LIMS1: variants seen among roughly 807,000 people sequenced by gnomAD.
The protein encoded by LIMS1 is LIM and senescent cell antigen-like-containing domain protein 1.
Under a neutral mutation model 44.1 loss-of-function variants are expected in LIMS1, and 18 were observed. The ratio of observed to expected loss-of-function variants is 0.41; its 90% CI spans 0.28 to 0.61. The LOEUF (loss-of-function observed/expected upper bound fraction) is 0.61, where lower values mean the gene tolerates loss of function less well. LIMS1 is among the 20% of genes least tolerant of loss of function. The pLI is 0.32. For synonymous variants in LIMS1, 93 were observed against 149.1 expected, an observed-to-expected ratio of 0.62 and a Z score of 2.74; for missense variants, 201 against 422.0, an observed-to-expected ratio of 0.48 and a Z score of 4.59.
At chr2:108,652,237 A>C (rs1690545459) in intron 1 of LIMS1, among the ~76,000 whole-genome samples, 2 of 152,376 alleles carry the variant, frequency 1.3e-5, no homozygotes, top group African/African-American at 4.8e-5. Flanking sequence ...AAATATATTC[A>C]ATACAGAAAT....
chr2:108,636,205 A>G (rs1689239211), intron 1 of LIMS1, among the ~76,000 whole-genome samples: 1 of 152,232 alleles, frequency 6.6e-6, no homozygotes, highest in South Asian at 2.1e-4. Context: ...TGCTGCATGC[A>G]GAAAAGTCGC....
chr2:108,620,845 C>T (rs1253514634), intron 1 of LIMS1, among the ~76,000 whole-genome samples: 1 of 152,074 alleles, frequency 6.6e-6, no homozygotes, highest in Non-Finnish European at 1.5e-5. Flanking sequence ...TAGAATTCTG[C>T]CCCTCCTCTC....
At chr2:108,612,882 G>A (rs775521026) in intron 1 of LIMS1, among the ~76,000 whole-genome samples, 10 of 152,148 alleles carry the variant, frequency 6.6e-5, no homozygotes, top group African/African-American at 2.4e-4. Flanking sequence ...AGAAGCTTCC[G>A]GGGTTAGGTT....
In LIMS1 at chr2:108,577,894, A is replaced by ATGTTT. The variant is rs535542054; in HGVS notation, c.32+43322_32+43326dup. Among the ~76,000 whole-genome samples, 292 of 152,028 alleles carry ATGTTT rather than the reference A, an allele frequency of 1.9e-3. 2 individuals carry two copies. The highest frequency in any genetic ancestry group is 4.1e-3 in the East Asian group (21 of 5,174). On this transcript the variant is annotated intron_variant, in intron 1 of 9. Coordinates refer to ENST00000544547, the Ensembl canonical transcript of LIMS1. The stretch of plus-strand genomic sequence containing the variant: ...CTGTTAAATGCTATTCTGAGATTGT[A>ATGTTT]TGTTTTGTTTTGTTTTGTTTTGTTT...
At chr2:108,590,571 A>G (rs1686331934) in intron 1 of LIMS1, among the ~76,000 whole-genome samples, 1 of 152,226 alleles carries the variant, frequency 6.6e-6, no homozygotes, top group African/African-American at 2.4e-5. Flanking sequence ...GGCTAACCAA[A>G]AAGAGCGGGG....
intron 1 of LIMS1, among the ~76,000 whole-genome samples, chr2:108,604,374 G>A (rs1687161536): frequency 6.6e-6 from 1 of 152,174 alleles, no homozygotes; most frequent in Non-Finnish European, 1.5e-5. Flanking sequence ...GGGCAGGGTT[G>A]ACTAGTCACC....
chr2:108,684,035 G>T (rs371971613), exon 10 of LIMS1: 2 of 1,070,122 alleles, frequency 1.9e-6, no homozygotes, highest in Non-Finnish European at 2.8e-6. Context: ...CAAGATAAGA[G>T]ATTACCAACA....
rs766958312 is a variant in LIMS1, at chr2:108,675,871, C to T, written c.531-7C>T. On this transcript the variant is annotated splice_polypyrimidine_tract_variant and splice_region_variant and intron_variant, in intron 5 of 9. Transcript: ENST00000544547. ...AGTATTAAGCTGTGTGTCTTTCTCA[C>T]GGACAGGAAGGAGCTGACTGCCGAT... 35 of 1,613,898 alleles carry T rather than the reference C, an allele frequency of 2.2e-5. No individual in the cohort carries two copies. The highest frequency in any genetic ancestry group is 3.3e-5 in the South Asian group (3 of 91,068).
intron 1 of LIMS1, among the ~76,000 whole-genome samples, chr2:108,587,138 T>C (rs1553455865): frequency 1.3e-5 from 2 of 152,114 alleles, no homozygotes; most frequent in Non-Finnish European, 2.9e-5. Flanking sequence ...TTGGATGTGC[T>C]TTTCCACTCT....
chr2:108,674,525 A>G (rs1399501037), intron 5 of LIMS1, among the ~76,000 whole-genome samples: 4 of 151,506 alleles, frequency 2.6e-5, no homozygotes, highest in Non-Finnish European at 4.4e-5. Flanking sequence ...GATCGAGACC[A>G]TCCTGGCTAA....
chr2:108,642,987 C>T (rs1279937297), intron 1 of LIMS1, among the ~76,000 whole-genome samples: 2 of 152,110 alleles, frequency 1.3e-5, no homozygotes, highest in African/African-American at 4.8e-5. Context: ...CTAGATTTGC[C>T]GCAGTAGGTC....
chr2:108,612,009 T>TATATTATATATACACACAG (rs1558809162), intron 1 of LIMS1, among the ~76,000 whole-genome samples: 3 of 132,426 alleles, frequency 2.3e-5, no homozygotes, highest in Non-Finnish European at 4.7e-5. Context: ...TATACACACA[T>TATATTATATATACACACAG]ATATATATAC....
intron 5 of LIMS1, among the ~76,000 whole-genome samples, chr2:108,674,734 A>G (rs1692403751): frequency 6.8e-6 from 1 of 146,748 alleles, no homozygotes; most frequent in Non-Finnish European, 1.5e-5. Context: ...AAAAAAAAAA[A>G]AAAAGAGAAA....
chr2:108,607,224 GA>G, intron 1 of LIMS1: 1 of 1,551,128 alleles, frequency 6.4e-7, no homozygotes, highest in Non-Finnish European at 8.7e-7. Context: ...GCCAGCTGAT[GA>G]GGGACACATC....
At chr2:108,580,763 G>C (rs1685854714) in intron 1 of LIMS1, among the ~76,000 whole-genome samples, 1 of 152,200 alleles carries the variant, frequency 6.6e-6, no homozygotes, top group Non-Finnish European at 1.5e-5. Context: ...GCTTGGACTA[G>C]AACCATTGTG....
chr2:108,547,529 AGTTTGACTTATGTCTTCT>A (rs1350658782), intron 1 of LIMS1, among the ~76,000 whole-genome samples: 2 of 152,192 alleles, frequency 1.3e-5, no homozygotes, highest in African/African-American at 4.8e-5. Flanking sequence ...GACTGTTGGC[AGTTTGACTTATGTCTTCT>A]GTCCAGTTGA....
intron 1 of LIMS1, among the ~76,000 whole-genome samples, chr2:108,546,677 TC>T (rs67983224): frequency 0.39 from 52,015 of 134,582 alleles, 10,626 homozygotes; most frequent in East Asian, 0.87. Context: ...ATTTGAGTGA[TC>T]TTTTTTTTTT....
chr2:108,613,793 C>T (rs1687786602), intron 1 of LIMS1, among the ~76,000 whole-genome samples: 1 of 152,162 alleles, frequency 6.6e-6, no homozygotes, highest in Non-Finnish European at 1.5e-5. Flanking sequence ...TAGCCCTCCC[C>T]TCAGCCACAG....
chr2:108,615,116 C>T (rs1236395626), intron 1 of LIMS1, among the ~76,000 whole-genome samples: 6 of 151,868 alleles, frequency 4.0e-5, no homozygotes, highest in African/African-American at 9.7e-5. Flanking sequence ...TCAGGCAGAA[C>T]GGATAGAAAC....
Sources: allele counts gnomAD v4.1 joint callset (sites outside exome capture counted in the v4.1 genomes callset), GRCh38; gene constraint gnomAD v4.1.1; transcripts MANE v1.5; gene names NCBI Gene and HGNC (gene_info 2026-07-23, HGNC 2026-07-21).